Variants in CIROP observed in about 807,000 individuals in gnomAD.
CIROP encodes the protein ciliated left-right organizer metallopeptidase, also known as leishmanolysin homolog.
At chr14:23,103,189 G>A in the CIROP span, 3 of 423,788 alleles carry the variant, frequency 7.1e-6, no homozygotes, top group Non-Finnish European at 8.3e-6. Context: ...GGCTGTGGGT[G>A]GGGGTAGCCT....
At chr14:23,104,125 TC>T in the CIROP span, 1 of 592,682 alleles carries the variant, frequency 1.7e-6, no homozygotes, top group African/African-American at 1.9e-5. Flanking sequence ...GATCCTGTCT[TC>T]CGTCCCCTTC....
chr14:23,101,645 TTGTC>T, the CIROP span: 1 of 703,024 alleles, frequency 1.4e-6, no homozygotes, highest in Admixed American at 2.0e-5. Context: ...CTCAGTTTCA[TTGTC>T]TGCTCTCTTA....
the CIROP span, chr14:23,103,799 C>T: frequency 4.1e-5 from 29 of 702,488 alleles, no homozygotes; most frequent in Middle Eastern, 4.6e-4. Context: ...GGCATAACCG[C>T]GAAGATGGGT....
At chr14:23,100,692 A>T in the CIROP span, 2 of 398,938 alleles carry the variant, frequency 5.0e-6, no homozygotes, top group Non-Finnish European at 8.8e-6. Context: ...CTAAATGGAC[A>T]TTTGAATCTT....
At chr14:23,100,918 C>A in the CIROP span, 1 of 399,056 alleles carries the variant, frequency 2.5e-6, no homozygotes, top group Non-Finnish European at 4.4e-6. Context: ...GCTGTTCCTT[C>A]CCCAGAGAGT....
chr14:23,104,516 C>T, the CIROP span: 2 of 702,752 alleles, frequency 2.8e-6, no homozygotes, highest in African/African-American at 3.5e-5. Context: ...TCTTGGAATT[C>T]CAGTTCTCTT....
At chr14:23,103,429 C>T in the CIROP span, 27 of 450,452 alleles carry the variant, frequency 6.0e-5, 2 homozygotes, top group South Asian at 9.9e-4. Context: ...TGGTGCATGC[C>T]TGTAATCCTA....
At chr14:23,100,879 C>T in the CIROP span, 2 of 398,946 alleles carry the variant, frequency 5.0e-6, no homozygotes, top group African/African-American at 2.1e-5. Flanking sequence ...TCGCCAAAGC[C>T]TCCAGTACTG....
the CIROP span, chr14:23,100,508 G>A: frequency 4.8e-6 from 2 of 413,332 alleles, no homozygotes; most frequent in Admixed American, 8.8e-5. Context: ...TTACTTGCTG[G>A]GTTGTGTGGT....
the CIROP span, chr14:23,102,570 GATAGTGA>G: frequency 4.3e-4 from 299 of 702,578 alleles, 2 homozygotes; most frequent in East Asian, 6.7e-3. Context: ...GACGTTATGA[GATAGTGA>G]ATTTCCTCTG....
chr14:23,104,914 G>C, the CIROP span: 7 of 677,198 alleles, frequency 1.0e-5, no homozygotes, highest in South Asian at 1.1e-4. Flanking sequence ...AGCAGCAGCA[G>C]CAGCATCTCC....
the CIROP span, chr14:23,102,872 G>A: frequency 1.6e-6 from 1 of 617,786 alleles, no homozygotes; most frequent in South Asian, 1.9e-5. Context: ...TGAGTAACCT[G>A]GCCCCCTACC....
chr14:23,099,660 A>G, the CIROP span: 1 of 375,304 alleles, frequency 2.7e-6, no homozygotes, highest in African/African-American at 2.1e-5. Flanking sequence ...CCCAGGCTCA[A>G]GCAATTCTCC....
chr14:23,099,709 G>T, the CIROP span: 1 of 333,988 alleles, frequency 3.0e-6, no homozygotes, highest in Admixed American at 5.0e-5. Flanking sequence ...ACAGGCGCAC[G>T]CCGCACCACC....
chr14:23,101,548 T>C, the CIROP span: 2 of 662,516 alleles, frequency 3.0e-6, no homozygotes, highest in South Asian at 3.3e-5. Context: ...TCCGTTTTCC[T>C]TCTTCCAGCA....
chr14:23,104,098 G>C, the CIROP span: 2 of 588,278 alleles, frequency 3.4e-6, no homozygotes, highest in Non-Finnish European at 6.0e-6. Flanking sequence ...CTGAGACTGA[G>C]AGGTGAGCCT....
the CIROP span, chr14:23,099,289 T>A: frequency 2.4e-6 from 1 of 413,454 alleles, no homozygotes; most frequent in Non-Finnish European, 4.4e-6. Context: ...ACATCACACC[T>A]CCCTTATTCC....
the CIROP span, chr14:23,099,354 T>A: frequency 2.7e-5 from 11 of 413,284 alleles, no homozygotes; most frequent in Admixed American, 3.5e-4. Context: ...AGGCAGATGG[T>A]CTCACAGGAA....
At chr14:23,104,694 C>T in the CIROP span, 1 of 702,852 alleles carries the variant, frequency 1.4e-6, no homozygotes. Flanking sequence ...ATCCCAAGCT[C>T]CATCTGATAT....
Sources: allele counts gnomAD v4.1 joint callset, GRCh38; gene constraint gnomAD v4.1.1; transcripts MANE v1.5; gene names NCBI Gene and HGNC (gene_info 2026-07-23, HGNC 2026-07-21).